Variants in GPC6 observed in about 807,000 individuals in gnomAD.
GPC6 encodes the protein glypican-6.
GPC6 carries 14 observed loss-of-function variants against 55.2 expected under a neutral mutation model. That is an observed-to-expected ratio of 0.25 (90% confidence interval 0.17 to 0.40). GPC6 has a LOEUF of 0.40. Ranked by LOEUF, GPC6 falls within the 10% of genes least tolerant of loss-of-function variation. The probability of loss-of-function intolerance (pLI) is 1.00; values close to 1 mark genes in which losing one functional copy is unlikely to be tolerated. For missense variants in GPC6, 641 were observed against 708.5 expected, an observed-to-expected ratio of 0.90 and a Z score of 1.08; for synonymous variants, 278 against 259.6, an observed-to-expected ratio of 1.07 and a Z score of -0.68.
At chr13:93,969,215 G>T (rs936071782) in intron 3 of GPC6, among the ~76,000 whole-genome samples, 2 of 152,310 alleles carry the variant, frequency 1.3e-5, no homozygotes, top group African/African-American at 4.8e-5. Flanking sequence ...ACTGTGGTTT[G>T]ATACTGATTG....
chr13:93,713,467 A>T (rs2138811994), intron 2 of GPC6, among the ~76,000 whole-genome samples: 1 of 151,812 alleles, frequency 6.6e-6, no homozygotes, highest in Non-Finnish European at 1.5e-5. Context: ...AAAGGGAGAG[A>T]ATAACACGTA....
intron 1 of GPC6, among the ~76,000 whole-genome samples, chr13:93,442,488 T>TA: frequency 6.6e-6 from 1 of 152,182 alleles, no homozygotes; most frequent in Admixed American, 6.5e-5. Flanking sequence ...CAATTTTATA[T>TA]CATCCTTCTA....
At chr13:93,796,693 T>G (rs754518824) in intron 2 of GPC6, among the ~76,000 whole-genome samples, 20 of 152,216 alleles carry the variant, frequency 1.3e-4, no homozygotes, top group Admixed American at 5.9e-4. Flanking sequence ...GCTATGACTT[T>G]AACCTCTTCT....
At chr13:93,361,458 G>A (rs576466849) in intron 1 of GPC6, among the ~76,000 whole-genome samples, 73 of 152,132 alleles carry the variant, frequency 4.8e-4, no homozygotes, top group Non-Finnish European at 9.6e-4. Context: ...TTCTTATCCA[G>A]AGAAATAAGC....
At chr13:94,179,573 A>G (rs1391490708) in intron 4 of GPC6, among the ~76,000 whole-genome samples, 1 of 152,164 alleles carries the variant, frequency 6.6e-6, no homozygotes, top group Non-Finnish European at 1.5e-5. Context: ...GATCTCCAAA[A>G]GTTAAAAAAA....
intron 1 of GPC6, among the ~76,000 whole-genome samples, chr13:93,420,934 A>G (rs553272414): frequency 6.6e-6 from 1 of 152,088 alleles, no homozygotes; most frequent in Non-Finnish European, 1.5e-5. Context: ...ATTGAGTGTC[A>G]GGGTCATGGT....
chr13:93,929,854 GGAAGA>G (rs1380530742), intron 3 of GPC6, among the ~76,000 whole-genome samples: 3 of 150,956 alleles, frequency 2.0e-5, no homozygotes, highest in African/African-American at 7.3e-5. Context: ...GAGAGAAAAA[GGAAGA>G]AAAGAAAAGA....
chr13:93,360,509 C>T (rs1263574713), intron 1 of GPC6, among the ~76,000 whole-genome samples: 2 of 152,032 alleles, frequency 1.3e-5, no homozygotes, highest in African/African-American at 4.8e-5. Flanking sequence ...ATACCAGAGC[C>T]TATAAAATAA....
chr13:93,441,575 T>C (rs1425841021), intron 1 of GPC6, among the ~76,000 whole-genome samples: 3 of 152,228 alleles, frequency 2.0e-5, no homozygotes, highest in African/African-American at 7.2e-5. Flanking sequence ...TTGAGTTCTT[T>C]GTAGATTCTG....
intron 1 of GPC6, among the ~76,000 whole-genome samples, chr13:93,276,957 G>A (rs928725414): frequency 6.6e-6 from 1 of 151,958 alleles, no homozygotes; most frequent in Non-Finnish European, 1.5e-5. Context: ...CCTGTATTTC[G>A]ACAGTTTTTG....
chr13:93,697,110 C>A (rs1035957725), intron 2 of GPC6, among the ~76,000 whole-genome samples: 2 of 152,094 alleles, frequency 1.3e-5, no homozygotes, highest in African/African-American at 4.8e-5. Flanking sequence ...TTCAGGAGAT[C>A]AAGCTCCTTA....
At chr13:93,293,010 C>T (rs1029132305) in intron 1 of GPC6, among the ~76,000 whole-genome samples, 2 of 151,962 alleles carry the variant, frequency 1.3e-5, no homozygotes, top group African/African-American at 4.8e-5. Context: ...TTTTTTGAGA[C>T]AGGTTCTCAT....
chr13:93,257,094 T>C (rs1476215816), intron 1 of GPC6, among the ~76,000 whole-genome samples: 1 of 151,984 alleles, frequency 6.6e-6, no homozygotes. Context: ...TGCTTAAGGC[T>C]AGGAGTTCGA....
At chr13:93,415,653 G>C (rs1038757997) in intron 1 of GPC6, among the ~76,000 whole-genome samples, 51 of 152,042 alleles carry the variant, frequency 3.4e-4, no homozygotes, top group African/African-American at 1.2e-3. Flanking sequence ...AGTGTTTGTT[G>C]TTGTTGCTGT....
chr13:93,401,310 T>A (rs193090754), intron 1 of GPC6, among the ~76,000 whole-genome samples: 1 of 151,760 alleles, frequency 6.6e-6, no homozygotes, highest in African/African-American at 2.4e-5. Context: ...GTGAGGACAG[T>A]CAACAAGGGA....
Position 93,803,767 on chromosome 13 carries a change from C to A in GPC6, c.320-26387C>A, listed in dbSNP as rs1277013760. Among the ~76,000 whole-genome samples the A allele has an allele frequency of 5.3e-5, 8 of 152,114 alleles. 1 individual carries two copies. Among genetic ancestry groups the A allele is most frequent in the African/African-American group, 1.9e-4 (8 of 41,430 alleles). On this transcript the variant is annotated intron_variant, in intron 2 of 8. Transcript: ENST00000377047. ...TATTTAGTCATAAAAAAGTGAAATA[C>A]TGATACATGCTGCAATATGGATGAA...
intron 3 of GPC6, among the ~76,000 whole-genome samples, chr13:93,975,283 A>G (rs1299452149): frequency 6.6e-6 from 1 of 152,162 alleles, no homozygotes; most frequent in Non-Finnish European, 1.5e-5. Flanking sequence ...CCAAAGGAAT[A>G]TTACGTTAGG....
intron 2 of GPC6, among the ~76,000 whole-genome samples, chr13:93,762,438 T>G (rs1217433497): frequency 6.6e-6 from 1 of 152,162 alleles, no homozygotes; most frequent in Non-Finnish European, 1.5e-5. Context: ...AATAAATGCT[T>G]CTTGACCTGT....
At chr13:93,774,036 A>G (rs957857952) in intron 2 of GPC6, among the ~76,000 whole-genome samples, 2 of 152,182 alleles carry the variant, frequency 1.3e-5, no homozygotes, top group African/African-American at 4.8e-5. Flanking sequence ...AATGGAACCA[A>G]TACTTCTGAC....
Sources: gnomAD v4.1 joint callset for allele counts (sites outside exome capture counted in the v4.1 genomes callset) on GRCh38, gnomAD v4.1.1 for gene constraint, MANE v1.5 for transcripts, NCBI Gene and HGNC (gene_info 2026-07-23, HGNC 2026-07-21) for gene names.